PRAMEF27: variants seen among roughly 807,000 people sequenced by gnomAD.
PRAMEF27 encodes the protein PRAME family member 27.
Under a neutral mutation model 21.0 loss-of-function variants are expected in PRAMEF27, and 5 were observed. That is an observed-to-expected ratio of 0.24 (90% confidence interval 0.12 to 0.50). The LOEUF is 0.50. Ranked by LOEUF, PRAMEF27 falls within the 20% of genes least tolerant of loss-of-function variation. PRAMEF27 has a pLI of 0.98. For synonymous variants in PRAMEF27, 61 were observed against 211.2 expected, an observed-to-expected ratio of 0.29 and a Z score of 6.17; for missense variants, 138 against 541.4, an observed-to-expected ratio of 0.25 and a Z score of 7.39.
chr1:13,053,785 C>T lies in PRAMEF27; in HGVS notation c.-16-110G>A, dbSNP rs1261264192. 3.7e-6 allele frequency: 5 copies of T among 1,350,610 alleles called. 2 individuals carry two copies. In the African/African-American group the frequency reaches 1.4e-4, roughly 37 times the overall value. The allele number at this position is 1,350,610 out of a possible 1,614,324, so 83.7% of individuals were successfully genotyped here. A position where few individuals can be genotyped will look rare whatever the true frequency, so the allele number is the denominator to read the frequency against. On this transcript the variant is annotated intron_variant, in intron 1 of 3. Coordinates refer to ENST00000436041, the MANE Select transcript of PRAMEF27 (RefSeq NM_001300891.2). Reference sequence around the variant, plus strand: ...GCTCTGGCAATGGTGAAACAGCCCTCAGTTTACTCCAATTCTGCCCTGTAC... The same window carrying T: ...GCTCTGGCAATGGTGAAACAGCCCTTAGTTTACTCCAATTCTGCCCTGTAC...
rs1410939841 is a variant in PRAMEF27, at chr1:13,053,488, C to G, written c.172G>C (p.Val58Leu). 317 of 1,486,284 alleles carry G rather than the reference C, an allele frequency of 2.1e-4. 30 individuals are homozygous for G. The highest frequency in any genetic ancestry group is 2.6e-4 in the Non-Finnish European group (297 of 1,123,552). The allele number at this position is 1,486,284 out of a possible 1,614,324, so 92.1% of individuals were successfully genotyped here. The change falls in exon 2 of 4, where the codon GTG becomes CTG. Residue 58 changes from valine to leucine, a missense_variant. Val to Leu is a conservative substitution (Grantham distance 32). Transcript: ENST00000436041. ...AGGCGGCGGAAGGGCCAGGCCTGCACCATCAGCTTCAGGGCCTCACAGCAT... is the reference window on the plus strand; with the variant it reads ...AGGCGGCGGAAGGGCCAGGCCTGCAGCATCAGCTTCAGGGCCTCACAGCAT... Reference protein sequence around the residue: ...RRCCEALKLMVQAWPFRRLPL... With the variant: ...RRCCEALKLMLQAWPFRRLPL...
In PRAMEF27 at chr1:13,053,465, G is replaced by A; in HGVS notation, c.195C>T (p.Arg65=). 2.7e-6 allele frequency: 4 copies of A among 1,507,560 alleles called. 1 individual carries two copies. The highest frequency in any genetic ancestry group is 3.5e-6 in the Non-Finnish European group (4 of 1,138,500). 93.4% of individuals were successfully genotyped at this position (1,507,560 alleles called of 1,614,324 possible). Residue 65 remains arginine, a synonymous_variant, in exon 2 of 4, where the codon CGC becomes CGT. Transcript: ENST00000436041. The part of the protein sequence containing the change: ...KLMVQAWPFR[R]LPLRPLIKMP... ...TCTTTATCAGAGGCCTCAGAGGGAG[G>A]CGGCGGAAGGGCCAGGCCTGCACCA...
Position 13,050,540 on chromosome 1 carries a change from G to T in PRAMEF27, c.876-171C>A, listed in dbSNP as rs1473947098. 2 of 1,035,114 alleles carry T rather than the reference G, an allele frequency of 1.9e-6. 1 individual carries two copies. The highest frequency in any genetic ancestry group is 2.7e-6 in the Non-Finnish European group (2 of 741,782). 64.1% of individuals were successfully genotyped at this position (1,035,114 alleles called of 1,614,324 possible). On this transcript the variant is annotated intron_variant, in intron 3 of 3. Transcript: ENST00000436041. ...ATGTGTGATGAAGAGCTTTGCCACC[G>T]AGGTCAATTCCACCTTAGAGCCGGC...
Position 13,053,871 on chromosome 1 carries a change from G to C in PRAMEF27, c.-16-196C>G, listed in dbSNP as rs1156289962. ...CATCAGCATGAGCGTCTCCGAAGCAGTGAGGAAGCAGGGTCACCACGAGCC... is the reference window on the plus strand; with the variant it reads ...CATCAGCATGAGCGTCTCCGAAGCACTGAGGAAGCAGGGTCACCACGAGCC... On this transcript the variant is annotated intron_variant, in intron 1 of 3. Transcript: ENST00000436041. 26 of 789,142 alleles carry C rather than the reference G, an allele frequency of 3.3e-5. 1 individual carries two copies. Among genetic ancestry groups the C allele is most frequent in the Non-Finnish European group, 4.5e-5 (25 of 561,290 alleles). The allele number at this position is 789,142 out of a possible 1,614,324, so 48.9% of individuals were successfully genotyped here. A position where few individuals can be genotyped will look rare whatever the true frequency, so the allele number is the denominator to read the frequency against.
Position 13,049,896 on chromosome 1 carries a change from G to C in PRAMEF27, c.1349C>G (p.Pro450Arg). The C allele has an allele frequency of 1.4e-6, 2 of 1,418,140 alleles. 1 individual carries two copies. The highest frequency in any genetic ancestry group is 1.9e-6 in the Non-Finnish European group (2 of 1,080,966). 87.8% of individuals were successfully genotyped at this position (1,418,140 alleles called of 1,614,324 possible). A position where few individuals can be genotyped will look rare whatever the true frequency, so the allele number is the denominator to read the frequency against. The change falls in exon 4 of 4, where the codon CCC becomes CGC. Residue 450 changes from proline to arginine, a missense_variant. Coordinates refer to ENST00000436041, the MANE Select transcript of PRAMEF27 (RefSeq NM_001300891.2). ...LMNRVRDLRH[P>R]KRIFFCIDNC... ...ATCAATACAGAAAAAGATCCTCTTG[G>C]GGTGCCTTAAGTCCCTCACTCTGTT...
At chr1:13,056,287 T>C (rs1642246171) in intron 1 of PRAMEF27, 127 bp downstream of exon 1, 1 of 118,486 alleles carries the variant, frequency 8.4e-6, no homozygotes, top group Admixed American at 7.5e-5. Context: ...AAGCTTCAAA[T>C]TGTTCATATA....
rs1398341661 is a variant in PRAMEF27, at chr1:13,053,583, G to T, written c.77C>A (p.Ala26Asp). 283 of 1,570,914 alleles carry T rather than the reference G, an allele frequency of 1.8e-4. 17 individuals are homozygous for T. The African/African-American group carries it at 4.8e-3, about 26-fold the overall frequency. The stretch of plus-strand genomic sequence containing the variant: ...GGGCAGCTCCTCCAGGGTGGACATG[G>T]CCAAGGCTTGGTCCCTCAGCAGGCT... ...GRSLLRDQALAMSTLEELPTE... is the reference protein window; with the variant it reads ...GRSLLRDQALDMSTLEELPTE... Residue 26 changes from alanine (A) to aspartate (D), a missense_variant, in exon 2 of 4, where the codon GCC becomes GAC. Transcript: ENST00000436041.
intron 1 of PRAMEF27, chr1:13,055,486 T>G (rs1161025133): frequency 6.6e-5 from 1 of 15,040 alleles, no homozygotes; most frequent in African/African-American, 6.2e-4. Context: ...CCTCCAAGAT[T>G]GCCTCCAAGA....
chr1:13,049,926 A>C lies in PRAMEF27; in HGVS notation c.1319T>G (p.Leu440Arg). Residue 440 changes from leucine (L) to arginine (R), a missense_variant, in exon 4 of 4, where the codon CTG (leucine) becomes CGG (arginine). Physicochemically the swap from Leu to Arg is moderately radical, Grantham distance 102. Coordinates refer to ENST00000436041, the MANE Select transcript of PRAMEF27 (RefSeq NM_001300891.2). ...CCTTAAGTCCCTCACTCTGTTCATCAGCTCAGCCCTAATTTGAGCAAATCT... is the reference window on the plus strand; with the variant it reads ...CCTTAAGTCCCTCACTCTGTTCATCCGCTCAGCCCTAATTTGAGCAAATCT... Reference protein sequence around the residue: ...WNRFAQIRAELMNRVRDLRHP... With the variant: ...WNRFAQIRAERMNRVRDLRHP... 7.0e-7 allele frequency: 1 copy of C among 1,419,528 alleles called. No homozygotes were observed. Among genetic ancestry groups the C allele is most frequent in the Non-Finnish European group, 9.2e-7 (1 of 1,081,800 alleles). 87.9% of individuals were successfully genotyped at this position (1,419,528 alleles called of 1,614,324 possible).
chr1:13,050,582 G>A (rs1485000722), intron 3 of PRAMEF27: 7 of 572,910 alleles, frequency 1.2e-5, no homozygotes, highest in African/African-American at 2.5e-5. Flanking sequence ...ACTCACACCT[G>A]TAATCCCAGA....
chr1:13,049,972 C>A lies in PRAMEF27; in HGVS notation c.1273G>T (p.Asp425Tyr). ...YPAPRESYGA[D>Y]GTLCWNRFAQ... ...AATCTGTTCCAGCAGAGAGTACCAT[C>A]AGCACCATAACTCTCCCGCGGGGCA... Residue 425 changes from aspartate (D) to tyrosine (Y), a missense_variant, in exon 4 of 4, where the codon GAT (aspartate) becomes TAT (tyrosine). Transcript: ENST00000436041. 1 of 1,429,244 alleles carries A rather than the reference C, an allele frequency of 7.0e-7. No individual in the cohort carries two copies. The highest frequency in any genetic ancestry group is 9.2e-7 in the Non-Finnish European group (1 of 1,086,190). The allele number at this position is 1,429,244 out of a possible 1,614,324, so 88.5% of individuals were successfully genotyped here. A position where few individuals can be genotyped will look rare whatever the true frequency, so the allele number is the denominator to read the frequency against.
rs1293990438 is a variant in PRAMEF27 at position 13,051,906 on chromosome 1, T to C, written c.875+212A>G. 5 of 637,944 alleles carry C rather than the reference T, an allele frequency of 7.8e-6. 1 individual carries two copies. Among genetic ancestry groups the C allele is most frequent in the Non-Finnish European group, 1.2e-5 (5 of 405,752 alleles). The allele number at this position is 637,944 out of a possible 1,614,324, so 39.5% of individuals were successfully genotyped here. A position where few individuals can be genotyped will look rare whatever the true frequency, so the allele number is the denominator to read the frequency against. On this transcript the variant is annotated intron_variant, in intron 3 of 3. Transcript: ENST00000436041. ...GCTTCCTAGTATGACAACCTCTCTA[T>C]AGCATCTCCCCTAGCTGATCCCTCT...
chr1:13,053,570 C>A lies in PRAMEF27; in HGVS notation c.90G>T (p.Leu30=). The A allele has an allele frequency of 6.3e-7, 1 of 1,584,516 alleles. No individual in the cohort carries two copies. Among genetic ancestry groups the A allele is most frequent in the Non-Finnish European group, 8.5e-7 (1 of 1,176,692 alleles). ...LRDQALAMST[L]EELPTELFPP... ...GGAAAAGTTCTGTGGGCAGCTCCTCCAGGGTGGACATGGCCAAGGCTTGGT... is the reference window on the plus strand; with the variant it reads ...GGAAAAGTTCTGTGGGCAGCTCCTCAAGGGTGGACATGGCCAAGGCTTGGT... Residue 30 remains leucine, a synonymous_variant, in exon 2 of 4, where the codon CTG becomes CTT. Transcript: ENST00000436041.
chr1:13,053,293 C>T, intron 2 of PRAMEF27, 74 bp downstream of exon 2: 3 of 1,404,218 alleles, frequency 2.1e-6, no homozygotes, highest in African/African-American at 3.2e-5. Flanking sequence ...TGGGCCTCCT[C>T]ACTTCACATG....
Position 13,056,566 on chromosome 1 carries a change from A to C in PRAMEF27, c.-169T>G, listed in dbSNP as rs1178936547. 3 of 130,458 alleles carry C rather than the reference A, an allele frequency of 2.3e-5. No homozygotes were observed. The highest frequency in any genetic ancestry group is 4.6e-5 in the Non-Finnish European group (3 of 65,244). The allele number at this position is 130,458 out of a possible 1,614,324, so 8.1% of individuals were successfully genotyped here. A position where few individuals can be genotyped will look rare whatever the true frequency, so the allele number is the denominator to read the frequency against. On this transcript the variant is annotated 5_prime_UTR_variant, in exon 1 of 4. Coordinates refer to ENST00000436041, the MANE Select transcript of PRAMEF27 (RefSeq NM_001300891.2). ...CCCACCCACGCCCTTCCACGTGTGC[A>C]CTGCTAGCTTCCAATCAAAAAGCCA...
chr1:13,051,630 G>GA (rs1316849734), intron 3 of PRAMEF27: 253 of 116,570 alleles, frequency 2.2e-3, no homozygotes, highest in Admixed American at 4.1e-3. Flanking sequence ...ATTCATCTCA[G>GA]AAAAAAAAAA....
At chr1:13,055,597 T>C (rs1642238442) in intron 1 of PRAMEF27, 1 of 150,278 alleles carries the variant, frequency 6.7e-6, no homozygotes, top group Admixed American at 6.6e-5. Context: ...ATGTGATTGG[T>C]TTAAAATTAA....
chr1:13,053,539 G>T lies in PRAMEF27; in HGVS notation c.121C>A (p.Leu41Met). Residue 41 changes from leucine to methionine, a missense_variant, in exon 2 of 4, where the codon CTG (leucine) becomes ATG (methionine). Coordinates refer to ENST00000436041, the MANE Select transcript of PRAMEF27 (RefSeq NM_001300891.2). The stretch of plus-strand genomic sequence containing the variant: ...CTCCTGCTGAAGGCCTCCATGAACA[G>T]TGGGGGGAAAAGTTCTGTGGGCAGC... ...EELPTELFPP[L>M]FMEAFSRRCC... 2.6e-6 allele frequency: 4 copies of T among 1,524,634 alleles called. 1 individual carries two copies. The highest frequency in any genetic ancestry group is 3.5e-6 in the Non-Finnish European group (4 of 1,139,406). 94.4% of individuals were successfully genotyped at this position (1,524,634 alleles called of 1,614,324 possible).
chr1:13,055,877 C>A (rs1452005471), intron 1 of PRAMEF27: 2 of 136,300 alleles, frequency 1.5e-5, no homozygotes, highest in East Asian at 4.4e-4. Flanking sequence ...CGTGGTGAAA[C>A]CCCACCTCTA....
Sources: allele counts gnomAD v4.1 joint callset, GRCh38; gene constraint gnomAD v4.1.1; transcripts MANE v1.5; gene names NCBI Gene and HGNC (gene_info 2026-07-23, HGNC 2026-07-21).